Variants in FGD4 observed in about 807,000 individuals in gnomAD.
FGD4 encodes the protein FYVE, RhoGEF and PH domain-containing protein 4.
Under a neutral mutation model 102.0 loss-of-function variants are expected in FGD4, and 42 were observed. The ratio of observed to expected loss-of-function variants is 0.41; its 90% CI spans 0.32 to 0.53. FGD4 has a LOEUF of 0.53. Among genes scored for constraint, FGD4 ranks in the 20% least tolerant of loss-of-function variants. FGD4 has a pLI of 0.21. For synonymous variants in FGD4, 380 were observed against 375.7 expected (o/e 1.01, Z -0.13); for missense variants, 902 against 1,078.2 (o/e 0.84, Z 2.29).
intron 1 of FGD4, among the ~76,000 whole-genome samples, chr12:32,477,023 C>CA (rs1943600128): frequency 6.6e-6 from 1 of 152,212 alleles, no homozygotes; most frequent in African/African-American, 2.4e-5. Context: ...GTGCGTGGCT[C>CA]ATGCCTGTAA....
In FGD4 at chr12:32,480,217, C is replaced by T. The variant is rs140840669; in HGVS notation, c.166+80258C>T. 5.9e-3 allele frequency among the ~76,000 whole-genome samples: 884 copies of T among 150,908 alleles called. 14 individuals are homozygous for T. The highest frequency in any genetic ancestry group is 0.02 in the African/African-American group (805 of 41,104). On this transcript the variant is annotated intron_variant, in intron 1 of 16. Transcript: ENST00000534526. ...GCTCTGTCACCCAGAGCTGGAGTGCCGTGGCATGATCTTGGCTCACTGCAA... is the reference window on the plus strand; with the variant it reads ...GCTCTGTCACCCAGAGCTGGAGTGCTGTGGCATGATCTTGGCTCACTGCAA...
chr12:32,497,361 C>T (rs35590458), intron 1 of FGD4, among the ~76,000 whole-genome samples: 25,634 of 151,882 alleles, frequency 0.17, 3,084 homozygotes, highest in African/African-American at 0.34. Context: ...TTTCATGAAA[C>T]GAATTATAAA....
chr12:32,574,658 C>G (rs1592271191), intron 2 of FGD4: 1 of 152,164 alleles, frequency 6.6e-6, no homozygotes, highest in Non-Finnish European at 1.5e-5. Flanking sequence ...AATTGCTCCA[C>G]TTGTAGTTCA....
chr12:32,540,780 G>C (rs1942757706), intron 1 of FGD4, among the ~76,000 whole-genome samples: 1 of 152,080 alleles, frequency 6.6e-6, no homozygotes. Flanking sequence ...GGTCAGGCTG[G>C]TCTCGAACTC....
intron 4 of FGD4, among the ~76,000 whole-genome samples, chr12:32,589,967 G>A (rs1480185974): frequency 6.6e-6 from 1 of 152,148 alleles, no homozygotes; most frequent in Non-Finnish European, 1.5e-5. Flanking sequence ...GCTTCTTGAA[G>A]GATCATGCCG....
intron 1 of FGD4, among the ~76,000 whole-genome samples, chr12:32,515,281 C>T (rs61927246): frequency 0.051 from 7,706 of 152,316 alleles, 275 homozygotes; most frequent in South Asian, 0.1. Context: ...ACAGCTCCTG[C>T]TCAAATCTTG....
chr12:32,455,907 C>T (rs1348586814), intron 1 of FGD4, among the ~76,000 whole-genome samples: 2 of 152,100 alleles, frequency 1.3e-5, no homozygotes, highest in Non-Finnish European at 2.9e-5. Context: ...TTTGTGAATA[C>T]TTAAAAAGCA....
At chr12:32,525,765 GA>G (rs914357448) in intron 1 of FGD4, among the ~76,000 whole-genome samples, 101 of 152,362 alleles carry the variant, frequency 6.6e-4, no homozygotes, top group African/African-American at 2.2e-3. Context: ...CCCGCACTCG[GA>G]GCAGCCAGCC....
chr12:32,597,945 A>G (rs1018743102), intron 4 of FGD4, among the ~76,000 whole-genome samples: 2 of 152,102 alleles, frequency 1.3e-5, no homozygotes, highest in Non-Finnish European at 2.9e-5. Context: ...TGGCACAGTC[A>G]TGGCTTACAC....
intron 1 of FGD4, among the ~76,000 whole-genome samples, chr12:32,406,458 G>A (rs915008635): frequency 2.0e-5 from 3 of 151,798 alleles, no homozygotes; most frequent in African/African-American, 7.3e-5. Flanking sequence ...GAAGGCTGAG[G>A]CAGGAAAATC....
intron 1 of FGD4, among the ~76,000 whole-genome samples, chr12:32,453,239 T>TA (rs1398906599): frequency 0.063 from 3,044 of 48,114 alleles, 144 homozygotes; most frequent in African/African-American, 0.2. Flanking sequence ...ATATATATAT[T>TA]TTTTTTTTTT....
At chr12:32,419,941 G>T (rs1941568975) in intron 1 of FGD4, among the ~76,000 whole-genome samples, 1 of 152,214 alleles carries the variant, frequency 6.6e-6, no homozygotes, top group Non-Finnish European at 1.5e-5. Context: ...CTGGGAGAAG[G>T]GGGAGGGCTG....
chr12:32,641,754 C>T lies in FGD4; in HGVS notation c.*1221C>T, dbSNP rs2137104413. The T allele has an allele frequency of 6.6e-6, 1 of 152,204 alleles. No homozygotes were observed. The highest frequency in any genetic ancestry group is 2.1e-4 in the South Asian group (1 of 4,828). The allele number at this position is 152,204 out of a possible 1,614,324, so 9.4% of individuals were successfully genotyped here. On this transcript the variant is annotated 3_prime_UTR_variant, in exon 17 of 17. Coordinates refer to ENST00000534526, the MANE Select transcript of FGD4 (RefSeq NM_001370298.3). ...TTAAGATAACTGTATGGGCCTTTTCCTTTGTCGGAATGAAACAAAATCCAC... is the reference window on the plus strand; with the variant it reads ...TTAAGATAACTGTATGGGCCTTTTCTTTTGTCGGAATGAAACAAAATCCAC...
At chr12:32,630,855 G>T (rs943590991) in intron 14 of FGD4, among the ~76,000 whole-genome samples, 1 of 150,532 alleles carries the variant, frequency 6.6e-6, no homozygotes. Context: ...GCACACACCC[G>T]TAGTCCCAGC....
chr12:32,441,237 T>A (rs1339808887), intron 1 of FGD4, among the ~76,000 whole-genome samples: 1 of 152,094 alleles, frequency 6.6e-6, no homozygotes, highest in Non-Finnish European at 1.5e-5. Flanking sequence ...AGCTGTCACA[T>A]CTGGTAATGT....
At chr12:32,443,777 A>T (rs554319936) in intron 1 of FGD4, among the ~76,000 whole-genome samples, 2 of 132,060 alleles carry the variant, frequency 1.5e-5, no homozygotes, top group East Asian at 2.1e-4. Flanking sequence ...CTTTCTCTTT[A>T]AAAAAAAAAA....
chr12:32,603,393 T>TA (rs1455966831), intron 7 of FGD4, among the ~76,000 whole-genome samples: 48 of 151,948 alleles, frequency 3.2e-4, no homozygotes, highest in Admixed American at 7.9e-4. Context: ...TTTATTTATT[T>TA]TTTTTTTTGG....
chr12:32,440,714 G>C (rs1331149403), intron 1 of FGD4, among the ~76,000 whole-genome samples: 1 of 152,216 alleles, frequency 6.6e-6, no homozygotes, highest in African/African-American at 2.4e-5. Flanking sequence ...CTCTGCAGTT[G>C]GCAAGTGGCT....
At chr12:32,532,465 A>C (rs914169582) in intron 1 of FGD4, among the ~76,000 whole-genome samples, 7 of 152,196 alleles carry the variant, frequency 4.6e-5, no homozygotes, top group Non-Finnish European at 1.0e-4. Flanking sequence ...ACAGAGTGAT[A>C]TTCTTCTGTA....
Sources: allele counts gnomAD v4.1 joint callset (sites outside exome capture counted in the v4.1 genomes callset), GRCh38; gene constraint gnomAD v4.1.1; transcripts MANE v1.5; gene names NCBI Gene and HGNC (gene_info 2026-07-23, HGNC 2026-07-21).